RBFOX3: variants seen among roughly 807,000 people sequenced by gnomAD.
RBFOX3 encodes RNA binding fox-1 homolog 3, also known as RNA binding protein fox-1 homolog 3.
RBFOX3 carries 17 observed loss-of-function variants against 48.7 expected under a neutral mutation model. The ratio of observed to expected loss-of-function variants is 0.35; its 90% confidence interval spans 0.24 to 0.52. The LOEUF (loss-of-function observed/expected upper bound fraction) is 0.52, where lower values mean the gene tolerates loss of function less well. Ranked by LOEUF, RBFOX3 falls within the 20% of genes least tolerant of loss-of-function variation. RBFOX3 has a pLI of 0.94. For missense variants in RBFOX3, 382 were observed against 497.5 expected, an observed-to-expected ratio of 0.77 and a Z score of 2.21; for synonymous variants, 212 against 209.5, an observed-to-expected ratio of 1.01 and a Z score of -0.10.
chr17:79,468,968 ATGGATGG>A (rs2076704039), intron 2 of RBFOX3, among the ~76,000 whole-genome samples: 11 of 150,854 alleles, frequency 7.3e-5, no homozygotes, highest in Non-Finnish European at 1.5e-4. Flanking sequence ...GGATGGATGG[ATGGATGG>A]ATGGATGGAT....
At chr17:79,629,212 T>C in the RBFOX3 span, among the ~76,000 whole-genome samples, 11 of 152,284 alleles carry the variant, frequency 7.2e-5, no homozygotes, top group East Asian at 1.4e-3. Flanking sequence ...AATCAACCTA[T>C]AGGGTGGCTT....
intron 3 of RBFOX3, among the ~76,000 whole-genome samples, chr17:79,253,644 C>T (rs181517623): frequency 3.1e-4 from 47 of 152,186 alleles, no homozygotes; most frequent in African/African-American, 8.2e-4. Flanking sequence ...GAGAGGGTGC[C>T]GGGGAAAGGG....
intron 4 of RBFOX3, among the ~76,000 whole-genome samples, chr17:79,130,887 C>T (rs562398989): frequency 6.6e-6 from 1 of 152,284 alleles, no homozygotes; most frequent in Non-Finnish European, 1.5e-5. Context: ...AATTCCTCAT[C>T]AGTGAAGATC....
the RBFOX3 span, among the ~76,000 whole-genome samples, chr17:79,664,236 G>A: frequency 5.9e-5 from 9 of 151,430 alleles, no homozygotes; most frequent in Non-Finnish European, 8.8e-5. Context: ...GTGCAGTGGC[G>A]CAATCTCAGC....
intron 4 of RBFOX3, among the ~76,000 whole-genome samples, chr17:79,164,730 T>C (rs2047659592): frequency 2.6e-5 from 4 of 152,298 alleles, no homozygotes; most frequent in Admixed American, 6.5e-5. Context: ...GGCACCCTCC[T>C]GGGAGCCTCA....
intron 1 of RBFOX3, among the ~76,000 whole-genome samples, chr17:79,538,607 C>G (rs2089226215): frequency 6.6e-6 from 1 of 152,224 alleles, no homozygotes; most frequent in Non-Finnish European, 1.5e-5. Flanking sequence ...CAGCCCCTGC[C>G]TTTAGGGCAG....
intron 3 of RBFOX3, among the ~76,000 whole-genome samples, chr17:79,287,543 A>T (rs2072236430): frequency 6.6e-6 from 1 of 152,134 alleles, no homozygotes; most frequent in South Asian, 2.1e-4. Context: ...ACAACGTGAG[A>T]TTCTCCAACC....
chr17:79,139,499 A>C (rs956517254), intron 4 of RBFOX3, among the ~76,000 whole-genome samples: 1 of 152,176 alleles, frequency 6.6e-6, no homozygotes, highest in Non-Finnish European at 1.5e-5. Context: ...GAGCTCTCTG[A>C]ATTAAAAGCA....
chr17:79,093,804 C>CAA (rs2074528535), intron 14 of RBFOX3, among the ~76,000 whole-genome samples: 1 of 149,354 alleles, frequency 6.7e-6, no homozygotes, highest in African/African-American at 2.5e-5. Context: ...CACACACACA[C>CAA]ACACACACAC....
In RBFOX3 at chr17:79,210,650, G is replaced by A. The variant is rs1443675384; in HGVS notation, c.-34+25116C>T. 2.0e-5 allele frequency among the ~76,000 whole-genome samples: 3 copies of A among 152,214 alleles called. No individual in the cohort carries two copies. The East Asian group carries it at 5.8e-4, about 29-fold the overall frequency. ...GGATTATGGAATTGAAGGGTCGGGT[G>A]GCTCTTGTCCTGTTCTGCCAGTTGC... On this transcript the variant is annotated intron_variant, in intron 4 of 14. Transcript: ENST00000693108.
At chr17:79,130,716 C>T (rs1041333528) in intron 4 of RBFOX3, among the ~76,000 whole-genome samples, 1 of 152,254 alleles carries the variant, frequency 6.6e-6, no homozygotes, top group African/African-American at 2.4e-5. Flanking sequence ...CTGGGTCTCA[C>T]AGAGCCCGAT....
the RBFOX3 span, among the ~76,000 whole-genome samples, chr17:79,662,676 A>G: frequency 1.3e-5 from 2 of 152,238 alleles, no homozygotes; most frequent in Admixed American, 1.3e-4. Flanking sequence ...AGAACCATCA[A>G]TCCAGAACCT....
intron 2 of RBFOX3, among the ~76,000 whole-genome samples, chr17:79,312,788 T>G (rs2077033234): frequency 6.6e-6 from 1 of 152,158 alleles, no homozygotes; most frequent in South Asian, 2.1e-4. Flanking sequence ...CCGCAGGTCT[T>G]CCTTGGCCTG....
intron 4 of RBFOX3, among the ~76,000 whole-genome samples, chr17:79,186,660 G>C (rs528887488): frequency 6.9e-6 from 1 of 144,248 alleles, no homozygotes; most frequent in South Asian, 2.3e-4. Context: ...TGTCACTCCA[G>C]TGCTAATATT....
intron 4 of RBFOX3, among the ~76,000 whole-genome samples, chr17:79,151,082 T>C (rs932656195): frequency 3.9e-5 from 6 of 152,138 alleles, no homozygotes; most frequent in African/African-American, 1.2e-4. Flanking sequence ...TGCTGGGCCC[T>C]GGACTCTCAG....
At chr17:79,615,862 G>A (rs1223597787), upstream of RBFOX3, among the ~76,000 whole-genome samples, 1 of 152,160 alleles carries the variant, frequency 6.6e-6, no homozygotes, top group Admixed American at 6.5e-5. Context: ...CTCCCTAAAA[G>A]AGGCTCTTGT....
intron 4 of RBFOX3, among the ~76,000 whole-genome samples, chr17:79,162,705 A>G (rs969301484): frequency 3.3e-5 from 5 of 152,316 alleles, no homozygotes; most frequent in African/African-American, 1.2e-4. Context: ...CAGACATTTG[A>G]ACTGAGCTGT....
intron 2 of RBFOX3, among the ~76,000 whole-genome samples, chr17:79,399,203 TA>T (rs949201828): frequency 4.6e-5 from 7 of 151,524 alleles, no homozygotes; most frequent in African/African-American, 7.3e-5. Flanking sequence ...TCCAGAATGT[TA>T]AAAAAAAATC....
At chr17:79,353,785 T>C (rs1306620222) in intron 2 of RBFOX3, among the ~76,000 whole-genome samples, 1 of 151,686 alleles carries the variant, frequency 6.6e-6, no homozygotes, top group East Asian at 1.9e-4. Flanking sequence ...TCAAGCAGAG[T>C]GCTCCTGAGG....
Sources: gnomAD v4.1 joint callset for allele counts (sites outside exome capture counted in the v4.1 genomes callset) on GRCh38, gnomAD v4.1.1 for gene constraint, MANE v1.5 for transcripts, NCBI Gene and HGNC (gene_info 2026-07-23, HGNC 2026-07-21) for gene names.